Variants in PRDM16 observed in about 807,000 individuals in gnomAD.
PRDM16 encodes histone-lysine N-methyltransferase PRDM16.
A neutral mutation model predicts 110.6 loss-of-function variants in PRDM16; 23 were observed. The observed-to-expected ratio is 0.21, with a 90% CI of 0.15 to 0.29. The LOEUF (loss-of-function observed/expected upper bound fraction) is 0.29, where lower values mean the gene tolerates loss of function less well. PRDM16 is among the 10% of genes least tolerant of loss of function. The pLI, the probability that PRDM16 is intolerant of heterozygous loss-of-function variation, is 1.00. For synonymous variants in PRDM16, 799 were observed against 781.8 expected (o/e 1.02, Z -0.37); for missense variants, 1,615 against 1,794.3 (o/e 0.90, Z 1.81).
intron 2 of PRDM16, among the ~76,000 whole-genome samples, chr1:3,200,147 G>A (rs1341867153): frequency 6.6e-6 from 1 of 152,242 alleles, no homozygotes; most frequent in Admixed American, 6.5e-5. Flanking sequence ...TCCCCGTGAT[G>A]ACTGCCCAGG....
At chr1:3,129,388 CGT>C (rs764877018) in intron 1 of PRDM16, among the ~76,000 whole-genome samples, 3,892 of 141,256 alleles carry the variant, frequency 0.028, 62 homozygotes, top group Admixed American at 0.037. Context: ...TGCGTGTGCA[CGT>C]GTGTGTGTGT....
intron 8 of PRDM16, among the ~76,000 whole-genome samples, chr1:3,409,731 A>AGTGTGGGTGTGTGTGTG (rs889322181): frequency 1.9e-5 from 2 of 104,182 alleles, no homozygotes; most frequent in African/African-American, 7.6e-5. Flanking sequence ...TGGTGTGTGT[A>AGTGTGGGTGTGTGTGTG]GTGTGGGTGT....
intron 2 of PRDM16, among the ~76,000 whole-genome samples, chr1:3,188,492 T>A (rs1644297874): frequency 6.6e-6 from 1 of 152,224 alleles, no homozygotes. Flanking sequence ...GGTGTGTGTG[T>A]ACGTGAGGGA....
At chr1:3,174,063 C>T (rs772577975) in intron 1 of PRDM16, among the ~76,000 whole-genome samples, 14 of 152,304 alleles carry the variant, frequency 9.2e-5, no homozygotes, top group Admixed American at 2.0e-4. Flanking sequence ...GCTCCTACTC[C>T]GGAGGCCAGA....
At chr1:3,296,841 G>T (rs1021934791) in intron 3 of PRDM16, among the ~76,000 whole-genome samples, 12 of 152,338 alleles carry the variant, frequency 7.9e-5, no homozygotes, top group South Asian at 4.1e-4. Flanking sequence ...AACCCACTGC[G>T]AGTTGAAAAT....
At chr1:3,277,721 A>G (rs1360695589) in intron 3 of PRDM16, among the ~76,000 whole-genome samples, 2 of 151,448 alleles carry the variant, frequency 1.3e-5, no homozygotes, top group African/African-American at 4.9e-5. Context: ...CCACATGCAC[A>G]CACACACGCG....
intron 1 of PRDM16, among the ~76,000 whole-genome samples, chr1:3,142,027 C>T (rs530173581): frequency 1.2e-4 from 19 of 152,366 alleles, no homozygotes; most frequent in African/African-American, 2.2e-4. Context: ...GCCATGGGGT[C>T]GCACTCTGGC....
intron 1 of PRDM16, among the ~76,000 whole-genome samples, chr1:3,165,086 G>A (rs956355542): frequency 3.3e-5 from 5 of 152,346 alleles, no homozygotes; most frequent in African/African-American, 1.2e-4. Flanking sequence ...CAGGAGCTCC[G>A]GGCCCCCCTC....
intron 3 of PRDM16, among the ~76,000 whole-genome samples, chr1:3,342,112 C>T (rs759532816): frequency 1.3e-5 from 2 of 152,170 alleles, no homozygotes; most frequent in Non-Finnish European, 2.9e-5. Context: ...TGCACGATGG[C>T]CTCTGAGAGG....
rs1335970944 is a variant in PRDM16, at chr1:3,255,324, C to G, written c.438+11187C>G. On this transcript the variant is annotated intron_variant, in intron 3 of 16. Coordinates refer to ENST00000270722, the MANE Select transcript of PRDM16 (RefSeq NM_022114.4). The surrounding 1 kb of genome is among the most constrained non-coding windows in gnomAD (Gnocchi z 4.7). ...ACTCTTAAATGCAGGAGACGGTTTC[C>G]AAATGCAGCCTGCAGACCCCACAGT... Among the ~76,000 whole-genome samples the G allele has an allele frequency of 6.6e-6, 1 of 152,160 alleles. No homozygotes were observed. The highest frequency in any genetic ancestry group is 2.4e-5 in the African/African-American group (1 of 41,422).
At chr1:3,169,096 A>G (rs115877911) in intron 1 of PRDM16, among the ~76,000 whole-genome samples, 4,090 of 152,168 alleles carry the variant, frequency 0.027, 201 homozygotes, top group African/African-American at 0.093. Flanking sequence ...TCCAGCCTCT[A>G]CTTGGAAGGC....
chr1:3,120,029 C>CGAGGCT (rs549418541), intron 1 of PRDM16, among the ~76,000 whole-genome samples: 12 of 152,304 alleles, frequency 7.9e-5, no homozygotes, highest in Admixed American at 7.2e-4. Flanking sequence ...GCCTGGTGGC[C>CGAGGCT]GAGGCTGCTG....
At position 3,246,467 on chromosome 1, in the gene PRDM16, G is replaced by C. The variant is rs1639792803; in HGVS notation, c.438+2330G>C. Among the ~76,000 whole-genome samples the C allele has an allele frequency of 6.6e-6, 1 of 152,228 alleles. No homozygotes were observed. The highest frequency in any genetic ancestry group is 6.5e-5 in the Admixed American group (1 of 15,278). On this transcript the variant is annotated intron_variant, in intron 3 of 16. Coordinates refer to ENST00000270722, the MANE Select transcript of PRDM16 (RefSeq NM_022114.4). The surrounding 1 kb of genome is among the most constrained non-coding windows in gnomAD (Gnocchi z 5.2). The stretch of plus-strand genomic sequence containing the variant: ...GCAGGGAGCTCAGCGCAGGGTACCA[G>C]AGCCAGCATCGGGGGCGTTGGTGGG...
At chr1:3,181,989 A>G (rs1644215482) in intron 1 of PRDM16, among the ~76,000 whole-genome samples, 2 of 152,136 alleles carry the variant, frequency 1.3e-5, no homozygotes, top group Admixed American at 6.5e-5. Flanking sequence ...ACATGCTTAC[A>G]CATGCAGTCA....
At chr1:3,149,955 G>T (rs1569694799) in intron 1 of PRDM16, among the ~76,000 whole-genome samples, 1 of 152,188 alleles carries the variant, frequency 6.6e-6, no homozygotes, top group Non-Finnish European at 1.5e-5. Context: ...CAGGAGCCCC[G>T]GGGTTATCCA....
intron 12 of PRDM16, among the ~76,000 whole-genome samples, chr1:3,420,858 G>A (rs932155672): frequency 1.3e-5 from 2 of 152,160 alleles, no homozygotes; most frequent in South Asian, 2.1e-4. Context: ...CCTGACAGCC[G>A]GCCCGGGGGT....
intron 1 of PRDM16, among the ~76,000 whole-genome samples, chr1:3,181,091 TAC>T (rs1229218384): frequency 1.1e-4 from 14 of 127,608 alleles, no homozygotes; most frequent in Non-Finnish European, 1.5e-4. Flanking sequence ...CACACGGCCT[TAC>T]ACACGCAGTC....
At chr1:3,432,459 C>T (rs1001632926) in intron 16 of PRDM16, among the ~76,000 whole-genome samples, 3 of 152,312 alleles carry the variant, frequency 2.0e-5, no homozygotes, top group East Asian at 3.9e-4. Context: ...CAGCCGCCTT[C>T]GTCTCCCTCC....
At chr1:3,414,807 G>T (rs1273890638) in intron 10 of PRDM16, among the ~76,000 whole-genome samples, 160 bp downstream of exon 10, 1 of 152,190 alleles carries the variant, frequency 6.6e-6, no homozygotes, top group Non-Finnish European at 1.5e-5. Flanking sequence ...TCTCCCTGAG[G>T]CCCCTCAGGT....
Sources: allele counts gnomAD v4.1 joint callset (sites outside exome capture counted in the v4.1 genomes callset), GRCh38; gene constraint gnomAD v4.1.1; non-coding constraint Gnocchi (gnomAD v3.1); transcripts MANE v1.5; gene names NCBI Gene and HGNC (gene_info 2026-07-23, HGNC 2026-07-21).